RBMS3: variants seen among roughly 807,000 people sequenced by gnomAD.
RBMS3 encodes RNA binding motif single stranded interacting protein 3.
A neutral mutation model predicts 66.8 loss-of-function variants in RBMS3; 27 were observed. The observed-to-expected ratio is 0.40, with a 90% CI of 0.30 to 0.56. The LOEUF is 0.56. Ranked by LOEUF, RBMS3 falls within the 20% of genes least tolerant of loss-of-function variation. The pLI is 0.40. For synonymous variants in RBMS3, 188 were observed against 183.0 expected (o/e 1.03, Z -0.22); for missense variants, 513 against 549.5 (o/e 0.93, Z 0.66).
At chr3:29,735,195 G>T (rs186156667) in intron 4 of RBMS3, among the ~76,000 whole-genome samples, 1 of 152,082 alleles carries the variant, frequency 6.6e-6, no homozygotes. Context: ...CACCTTGAAA[G>T]GTTCTGAAGT....
At chr3:29,568,499 A>G (rs1268865189) in intron 3 of RBMS3, among the ~76,000 whole-genome samples, 2 of 152,232 alleles carry the variant, frequency 1.3e-5, no homozygotes, top group Non-Finnish European at 2.9e-5. Flanking sequence ...AGGGAGTTGG[A>G]GAGAGAAAAT....
At chr3:29,358,999 C>A (rs192016300) in intron 1 of RBMS3, among the ~76,000 whole-genome samples, 222 of 152,232 alleles carry the variant, frequency 1.5e-3, no homozygotes, top group Admixed American at 3.5e-3. Context: ...CAAAGAGGGA[C>A]AATTTGACTT....
chr3:29,655,440 C>A (rs2050291699), intron 4 of RBMS3, among the ~76,000 whole-genome samples: 1 of 152,092 alleles, frequency 6.6e-6, no homozygotes, highest in Admixed American at 6.6e-5. Flanking sequence ...CGGTTAAGGA[C>A]AAGTTACATA....
intron 6 of RBMS3, among the ~76,000 whole-genome samples, chr3:29,846,802 G>A (rs1416674480): frequency 1.3e-5 from 2 of 152,006 alleles, no homozygotes; most frequent in African/African-American, 2.4e-5. Flanking sequence ...TTCATCCAAC[G>A]CCCAAATGAA....
intron 11 of RBMS3, among the ~76,000 whole-genome samples, chr3:29,942,611 T>C (rs1341196811): frequency 6.6e-6 from 1 of 151,832 alleles, no homozygotes; most frequent in African/African-American, 2.4e-5. Flanking sequence ...AAAGAAGTAT[T>C]ATAAGGCTAA....
rs551377622 is a variant in RBMS3 at position 29,401,589 on chromosome 3, A to G, written c.76-33154A>G. ...TTTTAAGAGGAAAAGTTATAGCTAG[A>G]CTAGGTTGGCTTTTCATTTAAACAG... is the stretch of plus-strand genomic sequence containing the variant. On this transcript the variant is annotated intron_variant, in intron 1 of 14. Coordinates refer to ENST00000383767, the MANE Select transcript of RBMS3 (RefSeq NM_001003793.3). Among the ~76,000 whole-genome samples the G allele has an allele frequency of 1.2e-4, 18 of 152,208 alleles. No homozygotes were observed. The South Asian group carries it at 3.5e-3, about 30-fold the overall frequency.
At chr3:29,991,017 G>A (rs1185163220) in intron 13 of RBMS3, 65 bp from the exon 14 acceptor site, 1 of 1,515,798 alleles carries the variant, frequency 6.6e-7, no homozygotes, top group Non-Finnish European at 9.1e-7. Flanking sequence ...GGTACTTACA[G>A]CCTATCTAGA....
chr3:29,814,845 C>T (rs2057835679), intron 6 of RBMS3, among the ~76,000 whole-genome samples: 1 of 152,102 alleles, frequency 6.6e-6, no homozygotes, highest in South Asian at 2.1e-4. Context: ...TTCTAGGGAA[C>T]AGTAAGAGCC....
chr3:29,840,922 G>A (rs887424612), intron 6 of RBMS3, among the ~76,000 whole-genome samples: 1 of 151,916 alleles, frequency 6.6e-6, no homozygotes, highest in Non-Finnish European at 1.5e-5. Context: ...AAAGTATGAT[G>A]TATTGACCTC....
At position 29,419,115 on chromosome 3, in the gene RBMS3, T is replaced by A. The variant is rs529058958; in HGVS notation, c.76-15628T>A. 2.0e-5 allele frequency among the ~76,000 whole-genome samples: 3 copies of A among 152,314 alleles called. No individual in the cohort carries two copies. In the South Asian group the frequency reaches 6.2e-4, roughly 32 times the overall value. On this transcript the variant is annotated intron_variant, in intron 1 of 14. Coordinates refer to ENST00000383767, the MANE Select transcript of RBMS3 (RefSeq NM_001003793.3). ...GCAGGTGCCATTTTTTCCTGTACTC[T>A]ATGCTTGATCAAAAGGCCAAGAAGC... is the stretch of plus-strand genomic sequence containing the variant.
intron 1 of RBMS3, among the ~76,000 whole-genome samples, chr3:29,324,814 CCTGCCTAT>C (rs1205159679): frequency 6.6e-6 from 1 of 152,012 alleles, no homozygotes; most frequent in African/African-American, 2.4e-5. Flanking sequence ...TTCCAGCCTG[CCTGCCTAT>C]CTGCCTTTTC....
At chr3:29,886,083 CT>C in intron 8 of RBMS3, among the ~76,000 whole-genome samples, 1 of 151,876 alleles carries the variant, frequency 6.6e-6, no homozygotes, top group East Asian at 2.0e-4. Context: ...CATAATATTT[CT>C]AACTTCTTAC....
At chr3:29,881,769 T>G (rs186260234) in intron 7 of RBMS3, among the ~76,000 whole-genome samples, 4 of 152,158 alleles carry the variant, frequency 2.6e-5, no homozygotes, top group Admixed American at 2.6e-4. Flanking sequence ...CAAGAAAAAA[T>G]TCTTAAGTGG....
intron 6 of RBMS3, among the ~76,000 whole-genome samples, chr3:29,846,875 TA>T (rs1450215999): frequency 6.6e-6 from 1 of 152,204 alleles, no homozygotes; most frequent in East Asian, 1.9e-4. Flanking sequence ...TTCCTTGTTT[TA>T]AAAAGAACTA....
At chr3:29,504,570 C>G (rs1020407739) in intron 3 of RBMS3, among the ~76,000 whole-genome samples, 1 of 148,804 alleles carries the variant, frequency 6.7e-6, no homozygotes, top group Non-Finnish European at 1.5e-5. Context: ...GCAGATATCT[C>G]TTTGGCATAC....
intron 3 of RBMS3, among the ~76,000 whole-genome samples, chr3:29,493,384 C>A (rs1203785907): frequency 6.6e-6 from 1 of 152,162 alleles, no homozygotes; most frequent in Admixed American, 6.5e-5. Flanking sequence ...GTAAATTAGT[C>A]AACTGCACTG....
chr3:29,506,194 A>G (rs1057469844), intron 3 of RBMS3, among the ~76,000 whole-genome samples: 4 of 151,922 alleles, frequency 2.6e-5, no homozygotes, highest in South Asian at 2.1e-4. Context: ...TCCCTCATTG[A>G]ATGAGATATT....
intron 12 of RBMS3, among the ~76,000 whole-genome samples, chr3:29,952,587 T>C (rs1044864114): frequency 6.6e-6 from 1 of 151,848 alleles, no homozygotes; most frequent in Non-Finnish European, 1.5e-5. Flanking sequence ...ACATTTTTTT[T>C]ACTTTTCTGC....
intron 8 of RBMS3, among the ~76,000 whole-genome samples, chr3:29,891,203 C>G (rs2059993801): frequency 6.6e-6 from 1 of 151,530 alleles, no homozygotes; most frequent in South Asian, 2.1e-4. Context: ...ATAAAGGCCC[C>G]CGAAGTTAGC....
Sources: allele counts gnomAD v4.1 joint callset (sites outside exome capture counted in the v4.1 genomes callset), GRCh38; gene constraint gnomAD v4.1.1; transcripts MANE v1.5; gene names NCBI Gene and HGNC (gene_info 2026-07-23, HGNC 2026-07-21).